TENT5D: variants seen among roughly 807,000 people sequenced by gnomAD.
TENT5D encodes the protein cancer/testis antigen 112.
For synonymous variants in TENT5D, 103 were observed against 100.6 expected, an observed-to-expected ratio of 1.02 and a Z score of -0.15; for missense variants, 191 against 287.0, an observed-to-expected ratio of 0.67 and a Z score of 2.42.
chrX:80,383,773 G>A (rs1314169745), intron 3 of TENT5D, among the ~76,000 whole-genome samples: 5 of 111,237 alleles, frequency 4.5e-5, no homozygotes, highest in East Asian at 5.7e-4. Flanking sequence ...GGAGAATGGC[G>A]TGAACCCGGG....
chrX:80,405,827 C>G (rs1931477663), intron 3 of TENT5D, among the ~76,000 whole-genome samples: 1 of 112,447 alleles, frequency 8.9e-6, no homozygotes, highest in African/African-American at 3.2e-5. Flanking sequence ...AAAGCAGTAA[C>G]CTCTGCAGAC....
At chrX:80,341,958 G>A (rs887216798) in intron 2 of TENT5D, among the ~76,000 whole-genome samples, 1 of 109,178 alleles carries the variant, frequency 9.2e-6, no homozygotes. Flanking sequence ...TGATCCGCCC[G>A]CCTCGGCCTC....
chrX:80,347,734 T>C (rs1930094028), intron 3 of TENT5D, among the ~76,000 whole-genome samples: 1 of 112,386 alleles, frequency 8.9e-6, no homozygotes, highest in African/African-American at 3.2e-5. Context: ...GTTTTAGTCA[T>C]GAAGTCTTTG....
intron 3 of TENT5D, among the ~76,000 whole-genome samples, chrX:80,396,782 T>C (rs2147541799): frequency 1.0e-5 from 1 of 99,826 alleles, no homozygotes; most frequent in Non-Finnish European, 2.0e-5. Context: ...CTCAATGAGC[T>C]GTTGGGTACA....
upstream of TENT5D, among the ~76,000 whole-genome samples, chrX:80,416,233 C>A (rs1160509681): frequency 9.4e-6 from 1 of 106,058 alleles, no homozygotes; most frequent in African/African-American, 3.4e-5. Flanking sequence ...TTTCAAAGAA[C>A]CAACTCCTGG....
chrX:80,339,348 C>T, intron 2 of TENT5D, among the ~76,000 whole-genome samples: 1 of 111,197 alleles, frequency 9.0e-6, no homozygotes, highest in East Asian at 2.8e-4. Flanking sequence ...GACTCAGTTT[C>T]CTAAAAATTT....
chrX:80,342,825 CATT>C lies in TENT5D; in HGVS notation c.-142+264_-142+266del, dbSNP rs758703195. On this transcript the variant is annotated intron_variant, in intron 3 of 4. Coordinates refer to the TENT5D transcript ENST00000538312. ...TGTTCAAATTTGGAGAGAGAGAAAA[CATT>C]ATGTACATGTGTTTGGCAAGCATAT... Among the ~76,000 whole-genome samples, 401 of 111,666 alleles carry C rather than the reference CATT, an allele frequency of 3.6e-3. 2 individuals carry two copies. The highest frequency in any genetic ancestry group is 0.012 in the African/African-American group (376 of 30,829).
intron 3 of TENT5D, among the ~76,000 whole-genome samples, chrX:80,359,259 A>G (rs953727072): frequency 4.5e-5 from 5 of 111,936 alleles, no homozygotes; most frequent in African/African-American, 1.6e-4. Context: ...TCAGGGATCT[A>G]GAGCCAGAAA....
chrX:80,392,621 A>G (rs1931156669), intron 3 of TENT5D, among the ~76,000 whole-genome samples: 1 of 94,744 alleles, frequency 1.1e-5, no homozygotes, highest in Non-Finnish European at 2.0e-5. Context: ...GGTTCACGCC[A>G]TTCTCCTGCC....
At chrX:80,361,310 G>T (rs765957134) in intron 3 of TENT5D, among the ~76,000 whole-genome samples, 2 of 112,016 alleles carry the variant, frequency 1.8e-5, no homozygotes, top group Non-Finnish European at 3.8e-5. Flanking sequence ...GAAAAGGAAA[G>T]GTCCAGAAAA....
At chrX:80,439,999 T>TA (rs777460912) in intron 2 of TENT5D, among the ~76,000 whole-genome samples, 4 of 110,692 alleles carry the variant, frequency 3.6e-5, no homozygotes, top group East Asian at 2.8e-4. Context: ...AGAGAAAGGT[T>TA]AAAAAAAACC....
intron 3 of TENT5D, among the ~76,000 whole-genome samples, chrX:80,412,382 C>T (rs1931689157): frequency 8.9e-6 from 1 of 112,743 alleles, no homozygotes; most frequent in African/African-American, 3.2e-5. Context: ...GGGATTAACA[C>T]TAGGCTCCTT....
chrX:80,337,993 G>C (rs1929885767), intron 2 of TENT5D, among the ~76,000 whole-genome samples: 1 of 111,990 alleles, frequency 8.9e-6, no homozygotes, highest in South Asian at 3.7e-4. Context: ...TCAAACTCCT[G>C]AGCTCAGGCA....
chrX:80,434,095 C>G (rs1372437327), intron 1 of TENT5D, among the ~76,000 whole-genome samples: 1 of 107,896 alleles, frequency 9.3e-6, no homozygotes, highest in African/African-American at 3.4e-5. Flanking sequence ...CAAGATCGTA[C>G]CACTGCACTC....
chrX:80,408,286 C>G (rs1377199610), intron 3 of TENT5D, among the ~76,000 whole-genome samples: 1 of 106,106 alleles, frequency 9.4e-6, no homozygotes, highest in Non-Finnish European at 2.0e-5. Context: ...ACACAAAAAA[C>G]CCTTCAAAAA....
chrX:80,350,515 A>G (rs767038555), intron 3 of TENT5D, among the ~76,000 whole-genome samples: 1 of 110,135 alleles, frequency 9.1e-6, no homozygotes, highest in Non-Finnish European at 1.9e-5. Flanking sequence ...ATATTCCCCC[A>G]TCCCCTTATT....
chrX:80,367,206 T>A (rs1005001628), intron 3 of TENT5D, among the ~76,000 whole-genome samples: 1 of 111,547 alleles, frequency 9.0e-6, no homozygotes, highest in Admixed American at 9.6e-5. Context: ...AGTTTTAAAA[T>A]TTGTCTTAAC....
At chrX:80,418,325 A>AT (rs892408181), upstream of TENT5D, among the ~76,000 whole-genome samples, 4 of 109,891 alleles carry the variant, frequency 3.6e-5, no homozygotes, top group African/African-American at 6.6e-5. Context: ...AATTTTTTAA[A>AT]TTTTTTTTCA....
At chrX:80,406,272 G>A (rs1441598154) in intron 3 of TENT5D, among the ~76,000 whole-genome samples, 2 of 111,760 alleles carry the variant, frequency 1.8e-5, no homozygotes, top group Non-Finnish European at 3.8e-5. Flanking sequence ...CGAGCTGAGA[G>A]AAGAAGGCTT....
Sources: allele counts gnomAD v4.1 joint callset (sites outside exome capture counted in the v4.1 genomes callset), GRCh38; gene constraint gnomAD v4.1.1; transcripts MANE v1.5; gene names NCBI Gene and HGNC (gene_info 2026-07-23, HGNC 2026-07-21).